Variants in CTNNA3 observed in about 807,000 individuals in gnomAD.
CTNNA3 encodes catenin alpha 3, also known as catenin alpha-3.
A neutral mutation model predicts 95.7 loss-of-function variants in CTNNA3; 76 were observed. The observed-to-expected ratio is 0.79, with a 90% CI of 0.66 to 0.96. CTNNA3 has a LOEUF of 0.96. Ranked by LOEUF, CTNNA3 falls within the 40% of genes least tolerant of loss-of-function variation. The pLI, the probability that CTNNA3 is intolerant of heterozygous loss-of-function variation, is 0.00. For missense variants in CTNNA3, 1,191 were observed against 1,089.8 expected (o/e 1.09, Z -1.31); for synonymous variants, 431 against 374.4 (o/e 1.15, Z -1.74).
rs188264794 is a variant in CTNNA3 at position 67,632,640 on chromosome 10, T to C, written c.99+14775A>G. 2.6e-5 allele frequency among the ~76,000 whole-genome samples: 4 copies of C among 152,250 alleles called. No individual in the cohort carries two copies. The East Asian group carries it at 7.7e-4, about 29-fold the overall frequency. ...CAGTAAGTGATTGTGAGACCCCACCTGGAAAACCACGCTTTTCCCACGGAT... is the reference window on the plus strand; with the variant it reads ...CAGTAAGTGATTGTGAGACCCCACCCGGAAAACCACGCTTTTCCCACGGAT... On this transcript the variant is annotated intron_variant, in intron 2 of 17. Transcript: ENST00000433211.
chr10:66,777,977 C>A (rs1376044417), intron 7 of CTNNA3, among the ~76,000 whole-genome samples: 2 of 152,162 alleles, frequency 1.3e-5, no homozygotes, highest in Non-Finnish European at 2.9e-5. Flanking sequence ...CAGGAGGTGA[C>A]AGCACAAAGA....
At chr10:67,697,541 C>T (rs1479300268), upstream of CTNNA3, among the ~76,000 whole-genome samples, 1 of 151,880 alleles carries the variant, frequency 6.6e-6, no homozygotes, top group African/African-American at 2.4e-5. Context: ...TCCTTTCCAC[C>T]TACAAAATGT....
At chr10:65,960,093 T>C (rs2077812255) in intron 17 of CTNNA3, among the ~76,000 whole-genome samples, 1 of 152,256 alleles carries the variant, frequency 6.6e-6, no homozygotes. Context: ...AGAGTGCTCA[T>C]ATCTTAATTT....
intron 12 of CTNNA3, among the ~76,000 whole-genome samples, chr10:66,292,096 T>C (rs190792967): frequency 3.2e-3 from 365 of 115,286 alleles, no homozygotes; most frequent in Admixed American, 7.7e-3. Context: ...CACACACACA[T>C]ATATATATAC....
intron 5 of CTNNA3, among the ~76,000 whole-genome samples, chr10:67,457,852 C>A (rs1294659704): frequency 6.6e-6 from 1 of 152,090 alleles, no homozygotes; most frequent in Non-Finnish European, 1.5e-5. Flanking sequence ...TTTAAAGATC[C>A]TTGTGATTAC....
At chr10:67,710,877 AT>A (rs1841103449) in intron 1 of CTNNA3, among the ~76,000 whole-genome samples, 2 of 152,162 alleles carry the variant, frequency 1.3e-5, no homozygotes, top group Non-Finnish European at 2.9e-5. Flanking sequence ...GGACCTTGAT[AT>A]AGTTTGGCTG....
intron 11 of CTNNA3, among the ~76,000 whole-genome samples, chr10:66,475,005 C>T (rs1839272843): frequency 6.6e-6 from 1 of 151,996 alleles, no homozygotes; most frequent in African/African-American, 2.4e-5. Flanking sequence ...CATTTACTCT[C>T]ATTCTGTAGG....
At chr10:66,484,240 T>A (rs1839646653) in intron 11 of CTNNA3, among the ~76,000 whole-genome samples, 1 of 151,932 alleles carries the variant, frequency 6.6e-6, no homozygotes, top group African/African-American at 2.4e-5. Context: ...ATATTTCAGT[T>A]TATTTTTCTT....
At chr10:66,607,297 C>G (rs1343370167) in intron 10 of CTNNA3, among the ~76,000 whole-genome samples, 1 of 151,564 alleles carries the variant, frequency 6.6e-6, no homozygotes. Context: ...AATAGCCCAC[C>G]AATCGAAGAA....
intron 7 of CTNNA3, among the ~76,000 whole-genome samples, chr10:66,796,635 C>A (rs1015298249): frequency 1.3e-5 from 2 of 152,032 alleles, no homozygotes; most frequent in Non-Finnish European, 2.9e-5. Context: ...TTTGTAAAAA[C>A]CACCATATCT....
At chr10:66,661,937 G>A (rs1310078749) in intron 9 of CTNNA3, among the ~76,000 whole-genome samples, 1 of 152,144 alleles carries the variant, frequency 6.6e-6, no homozygotes, top group Non-Finnish European at 1.5e-5. Flanking sequence ...CTCACAGTTA[G>A]TTTGTAAAAA....
intron 7 of CTNNA3, among the ~76,000 whole-genome samples, chr10:66,870,605 T>A (rs756440482): frequency 6.6e-6 from 1 of 152,200 alleles, no homozygotes; most frequent in Admixed American, 6.5e-5. Context: ...TTGGACTTCA[T>A]AATATTGGTG....
intron 7 of CTNNA3, among the ~76,000 whole-genome samples, chr10:66,940,712 T>C (rs1239122359): frequency 6.6e-6 from 1 of 152,152 alleles, no homozygotes; most frequent in East Asian, 1.9e-4. Context: ...CAGTGTGTTG[T>C]ACAAAGTAAT....
At chr10:65,927,447 T>C (rs575506033) in intron 17 of CTNNA3, among the ~76,000 whole-genome samples, 9 of 152,332 alleles carry the variant, frequency 5.9e-5, no homozygotes, top group Middle Eastern at 6.8e-3. Context: ...AAGCCTATTA[T>C]CAGTCAAGAT....
chr10:66,955,601 A>G (rs1848745579), intron 7 of CTNNA3, among the ~76,000 whole-genome samples: 1 of 152,084 alleles, frequency 6.6e-6, no homozygotes, highest in Non-Finnish European at 1.5e-5. Flanking sequence ...ACACTCAATA[A>G]ATGTTGGATG....
At chr10:67,016,701 G>C (rs1295275172) in intron 7 of CTNNA3, among the ~76,000 whole-genome samples, 1 of 151,988 alleles carries the variant, frequency 6.6e-6, no homozygotes, top group Non-Finnish European at 1.5e-5. Flanking sequence ...TCTCTTAGTG[G>C]GTTTGATTAT....
chr10:66,960,657 T>C (rs1269815327), intron 7 of CTNNA3, among the ~76,000 whole-genome samples: 2 of 152,196 alleles, frequency 1.3e-5, no homozygotes, highest in African/African-American at 4.8e-5. Flanking sequence ...CTGAAAGATA[T>C]TGGAAGGTTC....
At position 66,360,601 on chromosome 10, in the gene CTNNA3, T is replaced by TTCTTTC. The variant is rs2092647293; in HGVS notation, c.1732+18545_1732+18550dup. Among the ~76,000 whole-genome samples the TTCTTTC allele has an allele frequency of 5.7e-4, 14 of 24,394 alleles. 1 individual carries two copies. The South Asian group carries it at 0.014, about 25-fold the overall frequency. 16.0% of individuals were successfully genotyped at this position (24,394 alleles called of 152,430 possible). On this transcript the variant is annotated intron_variant, in intron 12 of 17. Coordinates refer to ENST00000433211, the MANE Select transcript of CTNNA3 (RefSeq NM_013266.4). ...TACCTCTAATGTATTCTTTCCTTCT[T>TTCTTTC]TCTTTCTTTCTTTCTTTCTTTCTTT...
chr10:66,544,799 T>C (rs1841986788), intron 10 of CTNNA3, among the ~76,000 whole-genome samples: 2 of 152,124 alleles, frequency 1.3e-5, no homozygotes, highest in Admixed American at 1.3e-4. Context: ...TGTTAAATAA[T>C]ACTAAGAACT....
Sources: allele counts gnomAD v4.1 joint callset (sites outside exome capture counted in the v4.1 genomes callset), GRCh38; gene constraint gnomAD v4.1.1; transcripts MANE v1.5; gene names NCBI Gene and HGNC (gene_info 2026-07-23, HGNC 2026-07-21).